The following SRFBP1 variants were observed in gnomAD, a reference collection of about 807,000 sequenced individuals.
The protein encoded by SRFBP1 is serum response factor binding protein 1, also known as serum response factor-binding protein 1.
A neutral mutation model predicts 45.5 loss-of-function variants in SRFBP1; 47 were observed. That is an observed-to-expected ratio of 1.03 (90% confidence interval 0.82 to 1.32). The LOEUF (loss-of-function observed/expected upper bound fraction) is 1.32, where lower values mean the gene tolerates loss of function less well. SRFBP1 is among the 40% of genes most tolerant of loss of function. SRFBP1 has a pLI of 0.00. For synonymous variants in SRFBP1, 203 were observed against 166.3 expected (o/e 1.22, Z -1.70); for missense variants, 621 against 484.6 (o/e 1.28, Z -2.64).
chr5:121,985,437 G>T (rs1192822073), intron 3 of SRFBP1, among the ~76,000 whole-genome samples: 2 of 151,560 alleles, frequency 1.3e-5, no homozygotes, highest in Admixed American at 1.3e-4. Context: ...TCTGTGTAAA[G>T]GAAGATAGTG....
At chr5:122,055,325 C>A (rs1561410757) in intron 2 of SRFBP1, among the ~76,000 whole-genome samples, 1 of 152,164 alleles carries the variant, frequency 6.6e-6, no homozygotes, top group Non-Finnish European at 1.5e-5. Flanking sequence ...CTCTTAATAT[C>A]ATCACCTTGG....
At chr5:122,040,985 C>G (rs1753763385) in intron 2 of SRFBP1, among the ~76,000 whole-genome samples, 1 of 152,136 alleles carries the variant, frequency 6.6e-6, no homozygotes, top group South Asian at 2.1e-4. Context: ...CCTCCTCCAT[C>G]TAGAATATAG....
At chr5:122,041,796 T>A (rs949905172) in intron 2 of SRFBP1, among the ~76,000 whole-genome samples, 1 of 152,200 alleles carries the variant, frequency 6.6e-6, no homozygotes. Flanking sequence ...ATTTTCATAA[T>A]TCTTTATCTT....
chr5:122,077,506 G>A, downstream of SRFBP1: 2 of 1,613,790 alleles, frequency 1.2e-6, no homozygotes, highest in Non-Finnish European at 1.7e-6. The surrounding 1 kb of genome is among the most constrained non-coding windows in gnomAD (Gnocchi z 4.9). Context: ...CCACGCGGCT[G>A]GGCGGCCGCA....
intron 1 of SRFBP1, among the ~76,000 whole-genome samples, chr5:121,964,757 G>A (rs938808361): frequency 6.6e-6 from 1 of 152,124 alleles, no homozygotes; most frequent in Non-Finnish European, 1.5e-5. Flanking sequence ...AGATCCTTGA[G>A]GAATCACCAC....
At chr5:122,059,751 G>T (rs530529945) in intron 2 of SRFBP1, among the ~76,000 whole-genome samples, 1 of 152,146 alleles carries the variant, frequency 6.6e-6, no homozygotes, top group African/African-American at 2.4e-5. Flanking sequence ...ATTCTATAGT[G>T]TCTGTAAGTG....
chr5:122,037,716 C>T (rs965186512), intron 2 of SRFBP1, among the ~76,000 whole-genome samples: 11 of 151,736 alleles, frequency 7.2e-5, no homozygotes, highest in African/African-American at 2.7e-4. Context: ...CACCACGTTG[C>T]CACGTCGCCC....
intron 3 of SRFBP1, among the ~76,000 whole-genome samples, chr5:121,976,011 A>T (rs1752295565): frequency 6.6e-6 from 1 of 151,970 alleles, no homozygotes; most frequent in South Asian, 2.1e-4. Context: ...TGTAGAACTT[A>T]AAAACAACAT....
intron 4 of SRFBP1, among the ~76,000 whole-genome samples, chr5:121,998,324 A>G (rs1239946756): frequency 6.6e-6 from 1 of 150,458 alleles, no homozygotes; most frequent in Admixed American, 6.6e-5. Flanking sequence ...ACCATGGAAT[A>G]CTATGCAGCC....
At chr5:122,070,800 A>G in intron 2 of SRFBP1, 1 of 375,410 alleles carries the variant, frequency 2.7e-6, no homozygotes, top group Non-Finnish European at 4.8e-6. Context: ...TATAAGTAGT[A>G]GTACACCTCA....
chr5:122,003,276 T>A (rs918623114), intron 4 of SRFBP1, among the ~76,000 whole-genome samples: 31 of 148,902 alleles, frequency 2.1e-4, no homozygotes, highest in African/African-American at 6.7e-4. Flanking sequence ...GCCTGGAAGG[T>A]GGAGGTTGTA....
intron 4 of SRFBP1, among the ~76,000 whole-genome samples, chr5:122,007,293 G>C (rs1218226306): frequency 3.3e-5 from 5 of 152,174 alleles, no homozygotes; most frequent in African/African-American, 1.2e-4. Context: ...ATTCAGCCTG[G>C]CACTGGTGAA....
chr5:121,975,041 T>A (rs529970531), intron 2 of SRFBP1, among the ~76,000 whole-genome samples: 2 of 152,044 alleles, frequency 1.3e-5, no homozygotes, highest in Admixed American at 1.3e-4. Context: ...AAAAGTGTTA[T>A]TAAGGAACTA....
At chr5:122,077,584 G>A (rs781065545), downstream of SRFBP1, 1 of 1,612,722 alleles carries the variant, frequency 6.2e-7, no homozygotes, top group Admixed American at 1.7e-5. The surrounding 1 kb of genome is among the most constrained non-coding windows in gnomAD (Gnocchi z 4.9). Context: ...CAGCTTCGCG[G>A]GCTCTAGATG....
chr5:121,990,128 C>G (rs1752591471), intron 3 of SRFBP1, among the ~76,000 whole-genome samples: 1 of 152,104 alleles, frequency 6.6e-6, no homozygotes, highest in Admixed American at 6.6e-5. Flanking sequence ...CGTCTGTGTT[C>G]ACGGCTGCAC....
chr5:122,074,701 A>G (rs1166341839), intron 2 of SRFBP1, among the ~76,000 whole-genome samples: 1 of 152,200 alleles, frequency 6.6e-6, no homozygotes, highest in Admixed American at 6.5e-5. Context: ...AAATATTCCT[A>G]TTTTATCAGG....
chr5:121,979,973 G>A (rs948084064), intron 3 of SRFBP1, among the ~76,000 whole-genome samples: 2 of 152,040 alleles, frequency 1.3e-5, no homozygotes. Context: ...TTCAGATAAG[G>A]ACCCTCCTCC....
chr5:122,038,859 C>G (rs1210276782), intron 2 of SRFBP1, among the ~76,000 whole-genome samples: 1 of 152,118 alleles, frequency 6.6e-6, no homozygotes, highest in Non-Finnish European at 1.5e-5. Context: ...ATTAAACGTA[C>G]TTTGGGGCTC....
At chr5:121,993,038 T>C (rs1290728791) in intron 3 of SRFBP1, among the ~76,000 whole-genome samples, 1 of 152,170 alleles carries the variant, frequency 6.6e-6, no homozygotes, top group Non-Finnish European at 1.5e-5. Context: ...AATCTTGACA[T>C]TGGGTATTGC....
Sources: allele counts gnomAD v4.1 joint callset (sites outside exome capture counted in the v4.1 genomes callset), GRCh38; gene constraint gnomAD v4.1.1; non-coding constraint Gnocchi (gnomAD v3.1); transcripts MANE v1.5; gene names NCBI Gene and HGNC (gene_info 2026-07-23, HGNC 2026-07-21).